The following GPR137B variants were observed in gnomAD, a reference collection of about 807,000 sequenced individuals.
GPR137B encodes the protein integral membrane protein GPR137B.
GPR137B carries 42 observed loss-of-function variants against 42.5 expected under a neutral mutation model. That is an observed-to-expected ratio of 0.99 (90% CI 0.77 to 1.28). The LOEUF (loss-of-function observed/expected upper bound fraction) is 1.28. Ranked by LOEUF, GPR137B falls within the 50% of genes most tolerant of loss-of-function variation. The pLI is 0.00. For synonymous variants in GPR137B, 218 were observed against 209.7 expected (o/e 1.04, Z -0.34); for missense variants, 487 against 493.9 (o/e 0.99, Z 0.13).
intron 2 of GPR137B, among the ~76,000 whole-genome samples, chr1:236,176,304 G>A (rs867086304): frequency 1.3e-5 from 2 of 152,102 alleles, no homozygotes; most frequent in Non-Finnish European, 2.9e-5. Context: ...ACTTCACAGC[G>A]CTCTCCATCA....
Position 236,142,762 on chromosome 1 carries a change from T to G in GPR137B, c.140T>G (p.Val47Gly). 1 of 1,606,230 alleles carries G rather than the reference T, an allele frequency of 6.2e-7. No homozygotes were observed. Residue 47 changes from valine (V) to glycine (G), a missense_variant, in exon 1 of 7, where the codon GTC becomes GGC. By Grantham distance (109) the Val-to-Gly change is moderately radical (BLOSUM62 -3). Transcript: ENST00000366592. ...VPPYVKLGLT[V>G]VYTVFYALLF... ...CCCTACGTGAAGCTTGGCCTCACCG[T>G]CGTCTACACCGTGTTCTACGCGCTG...
At chr1:236,179,429 A>G (rs1008441928) in intron 3 of GPR137B, among the ~76,000 whole-genome samples, 5 of 152,128 alleles carry the variant, frequency 3.3e-5, no homozygotes, top group African/African-American at 4.8e-5. Context: ...TCCCGGCCTC[A>G]AAGATTCCAG....
At chr1:236,178,785 G>GGTTTTTTTTTTTTT (rs1662771288) in intron 3 of GPR137B, 149 bp downstream of exon 3, 5 of 48,324 alleles carry the variant, frequency 1.0e-4, no homozygotes, top group Admixed American at 4.0e-4. Flanking sequence ...GCTACTCGAG[G>GGTTTTTTTTTTTTT]TTTTTTTTTT....
At chr1:236,207,725 A>G (rs1377362863) in intron 6 of GPR137B, among the ~76,000 whole-genome samples, 3 of 152,242 alleles carry the variant, frequency 2.0e-5, no homozygotes, top group Non-Finnish European at 4.4e-5. Context: ...GTCCAAAGAC[A>G]CCACCACAGG....
chr1:236,150,644 G>A lies in GPR137B; in HGVS notation c.414+7608G>A, dbSNP rs1465790340. 6.6e-6 allele frequency among the ~76,000 whole-genome samples: 1 copy of A among 152,228 alleles called. No homozygotes were observed. The highest frequency in any genetic ancestry group is 1.5e-5 in the Non-Finnish European group (1 of 68,034). ...GAAGCCTGGACTTCCCCACAGCAGAGGCTGGGCTGAGGCTGCTGCCGGGTC... is the reference window on the plus strand; with the variant it reads ...GAAGCCTGGACTTCCCCACAGCAGAAGCTGGGCTGAGGCTGCTGCCGGGTC... On this transcript the variant is annotated intron_variant, in intron 1 of 6. Coordinates refer to ENST00000366592, the MANE Select transcript of GPR137B (RefSeq NM_003272.4). This position sits in a 1 kb window ranked among gnomAD's most constrained non-coding sequence, Gnocchi z 6.2.
intron 1 of GPR137B, among the ~76,000 whole-genome samples, chr1:236,143,313 A>G (rs1661586074): frequency 6.6e-6 from 1 of 152,242 alleles, no homozygotes; most frequent in African/African-American, 2.4e-5. Flanking sequence ...CGTGCGGTGG[A>G]TTCGGGGCGC....
intron 2 of GPR137B, among the ~76,000 whole-genome samples, chr1:236,173,808 T>G (rs1460630408): frequency 6.6e-6 from 1 of 152,302 alleles, no homozygotes; most frequent in Admixed American, 6.5e-5. Flanking sequence ...CTGGCCTCCT[T>G]TGAAAACTCT....
At position 236,208,195 on chromosome 1, in the gene GPR137B, A is replaced by G; in HGVS notation, c.*37A>G. On this transcript the variant is annotated 3_prime_UTR_variant, in exon 7 of 7. Transcript: ENST00000366592. ...AGTTTTATGGACGATTCCTCAGATG[A>G]AAAGCTTCAGAAAAGCATAGTGACA... is the stretch of plus-strand genomic sequence containing the variant. The G allele has an allele frequency of 6.2e-7, 1 of 1,604,844 alleles. No individual in the cohort carries two copies. The highest frequency in any genetic ancestry group is 8.5e-7 in the Non-Finnish European group (1 of 1,174,830).
rs114005795 is a variant in GPR137B, at chr1:236,144,813, G to T, written c.414+1777G>T. 4.1e-3 allele frequency among the ~76,000 whole-genome samples: 620 copies of T among 152,328 alleles called. 1 individual carries two copies. Among genetic ancestry groups the T allele is most frequent in the Non-Finnish European group, 6.9e-3 (469 of 68,016 alleles). ...ATTGCACGTTGAGCTCTTTATATTT[G>T]TCCCCTTTTTGGGGGGCAGTGGGGG... On this transcript the variant is annotated intron_variant, in intron 1 of 6. Coordinates refer to ENST00000366592, the MANE Select transcript of GPR137B (RefSeq NM_003272.4).
chr1:236,202,934 T>TGAA (rs1663538362), intron 5 of GPR137B, among the ~76,000 whole-genome samples: 1 of 152,222 alleles, frequency 6.6e-6, no homozygotes, highest in African/African-American at 2.4e-5. Flanking sequence ...TATGGATATC[T>TGAA]AGTTTTCCCA....
chr1:236,166,798 C>T (rs762887284), intron 1 of GPR137B, among the ~76,000 whole-genome samples: 21 of 151,982 alleles, frequency 1.4e-4, no homozygotes, highest in African/African-American at 4.1e-4. Flanking sequence ...TGTGCCTGGC[C>T]GTCATAAGAT....
At chr1:236,190,100 G>T (rs933012306) in intron 5 of GPR137B, among the ~76,000 whole-genome samples, 1 of 147,540 alleles carries the variant, frequency 6.8e-6, no homozygotes, top group Non-Finnish European at 1.5e-5. Flanking sequence ...ATCTTTGTTG[G>T]TTTAAAGTCT....
chr1:236,143,625 G>A (rs1407591212), intron 1 of GPR137B, among the ~76,000 whole-genome samples: 1 of 152,172 alleles, frequency 6.6e-6, no homozygotes, highest in African/African-American at 2.4e-5. Flanking sequence ...GCAGGCTGGG[G>A]TAACACCCAG....
chr1:236,157,994 C>T lies in GPR137B; in HGVS notation c.415-10712C>T, dbSNP rs565581928. ...ACTGGACGGTACTCTGTATCTTTCACGAATCCAGATTTACCTAGTGAAAGC... is the reference window on the plus strand; with the variant it reads ...ACTGGACGGTACTCTGTATCTTTCATGAATCCAGATTTACCTAGTGAAAGC... On this transcript the variant is annotated intron_variant, in intron 1 of 6. Coordinates refer to ENST00000366592, the MANE Select transcript of GPR137B (RefSeq NM_003272.4). Among the ~76,000 whole-genome samples, 29 of 152,266 alleles carry T rather than the reference C, an allele frequency of 1.9e-4. No individual in the cohort carries two copies. The South Asian group carries it at 4.1e-3, about 22-fold the overall frequency.
chr1:236,207,005 T>G (rs985327348), intron 6 of GPR137B: 4 of 264,314 alleles, frequency 1.5e-5, no homozygotes, highest in Admixed American at 1.4e-4. Flanking sequence ...CATTAACAAC[T>G]TTACAACTTT....
At chr1:236,173,406 G>C (rs1662603413) in intron 2 of GPR137B, among the ~76,000 whole-genome samples, 1 of 88,840 alleles carries the variant, frequency 1.1e-5, no homozygotes, top group Non-Finnish European at 2.0e-5. Flanking sequence ...GGGAAAGAGA[G>C]AGAGAGAGAG....
intron 1 of GPR137B, among the ~76,000 whole-genome samples, chr1:236,153,773 A>T (rs771242619): frequency 6.6e-6 from 1 of 152,252 alleles, no homozygotes; most frequent in Non-Finnish European, 1.5e-5. Flanking sequence ...GACTTAATTC[A>T]TTCCTTCATC....
chr1:236,175,477 G>A (rs1662659896), intron 2 of GPR137B, among the ~76,000 whole-genome samples: 5 of 152,232 alleles, frequency 3.3e-5, no homozygotes, highest in Admixed American at 3.3e-4. Context: ...TTCCCCAGAG[G>A]CTGCTGCATG....
intron 1 of GPR137B, among the ~76,000 whole-genome samples, chr1:236,151,398 A>G (rs1307160660): frequency 1.4e-5 from 2 of 144,784 alleles, no homozygotes; most frequent in Non-Finnish European, 3.0e-5. Flanking sequence ...TGAGCCACAT[A>G]TGGTCTCTGT....
Sources: allele counts gnomAD v4.1 joint callset (sites outside exome capture counted in the v4.1 genomes callset), GRCh38; gene constraint gnomAD v4.1.1; non-coding constraint Gnocchi (gnomAD v3.1); transcripts MANE v1.5; gene names NCBI Gene and HGNC (gene_info 2026-07-23, HGNC 2026-07-21).